FARS2: variants seen among roughly 807,000 people sequenced by gnomAD.
FARS2 encodes phenylalanyl-tRNA synthetase 2, mitochondrial.
A neutral mutation model predicts 46.4 loss-of-function variants in FARS2; 40 were observed. The observed-to-expected ratio is 0.86, with a 90% CI of 0.67 to 1.12. FARS2 has a LOEUF of 1.12. Among genes scored for constraint, FARS2 ranks in the 50% most tolerant of loss-of-function variants. The pLI is 0.00. For synonymous variants in FARS2, 234 were observed against 214.9 expected (o/e 1.09, Z -0.78); for missense variants, 513 against 567.9 (o/e 0.90, Z 0.98).
intron 2 of FARS2, among the ~76,000 whole-genome samples, chr6:5,391,471 G>C (rs1760510701): frequency 6.6e-6 from 1 of 152,148 alleles, no homozygotes; most frequent in South Asian, 2.1e-4. Context: ...TGTGTTATAG[G>C]ATCATGTTAT....
At chr6:5,573,954 G>T (rs1278799259) in intron 5 of FARS2, among the ~76,000 whole-genome samples, 1 of 152,172 alleles carries the variant, frequency 6.6e-6, no homozygotes. Context: ...GTGACCTAAT[G>T]TATTTGCTCA....
At chr6:5,276,961 G>A (rs898551983) in intron 1 of FARS2, among the ~76,000 whole-genome samples, 1 of 152,138 alleles carries the variant, frequency 6.6e-6, no homozygotes, top group Non-Finnish European at 1.5e-5. Flanking sequence ...TTCCTCCTCA[G>A]TGCAGGCTCA....
chr6:5,667,009 G>T (rs888722576), intron 6 of FARS2, among the ~76,000 whole-genome samples: 1 of 152,148 alleles, frequency 6.6e-6, no homozygotes, highest in East Asian at 1.9e-4. Flanking sequence ...ACAAGTGGGA[G>T]CTAAATGTTG....
At chr6:5,455,305 T>C (rs1231518751) in intron 4 of FARS2, among the ~76,000 whole-genome samples, 2 of 152,220 alleles carry the variant, frequency 1.3e-5, no homozygotes, top group Non-Finnish European at 2.9e-5. Context: ...TTTCAAAATA[T>C]ATACACTTTT....
intron 3 of FARS2, among the ~76,000 whole-genome samples, chr6:5,407,730 G>A (rs2032987): frequency 0.51 from 77,108 of 151,932 alleles, 19,987 homozygotes; most frequent in African/African-American, 0.62. Flanking sequence ...TTAAAATGGC[G>A]TAATATAATA....
intron 6 of FARS2, among the ~76,000 whole-genome samples, chr6:5,636,249 T>G (rs535169438): frequency 6.6e-6 from 1 of 152,240 alleles, no homozygotes; most frequent in African/African-American, 2.4e-5. Flanking sequence ...TGAAGTTCCC[T>G]CTATGTGATA....
chr6:5,497,021 A>T lies in FARS2; in HGVS notation c.905-48159A>T, dbSNP rs530641496. 2.0e-5 allele frequency among the ~76,000 whole-genome samples: 3 copies of T among 152,158 alleles called. No individual in the cohort carries two copies. In the South Asian group the frequency reaches 6.2e-4, roughly 32 times the overall value. ...TTTGAGGGGGCATGATTCAGCCCCA[A>T]ATGGGGTGAAGAAGCTCTAATCCTG... On this transcript the variant is annotated intron_variant, in intron 4 of 6. Coordinates refer to ENST00000274680, the MANE Select transcript of FARS2 (RefSeq NM_006567.5).
rs190156415 is a variant in FARS2 at position 5,295,363 on chromosome 6, T to C, written c.-22+33703T>C. On this transcript the variant is annotated intron_variant, in intron 1 of 6. Coordinates refer to ENST00000274680, the MANE Select transcript of FARS2 (RefSeq NM_006567.5). Reference sequence around the variant, plus strand: ...GTGTTAGAGTTAGAAATTATTTCAATTGTAGCTCATGGTGTTATTCTAATT... The same window carrying C: ...GTGTTAGAGTTAGAAATTATTTCAACTGTAGCTCATGGTGTTATTCTAATT... Among the ~76,000 whole-genome samples, 562 of 152,360 alleles carry C rather than the reference T, an allele frequency of 3.7e-3. 3 individuals carry two copies. The highest frequency in any genetic ancestry group is 6.3e-3 in the Non-Finnish European group (431 of 68,026).
At chr6:5,636,506 G>T (rs937373343) in intron 6 of FARS2, among the ~76,000 whole-genome samples, 25 of 152,218 alleles carry the variant, frequency 1.6e-4, no homozygotes, top group Non-Finnish European at 2.2e-4. Context: ...TTTACAATTG[G>T]CAATGATAGA....
At chr6:5,680,554 C>G (rs1157608371) in intron 6 of FARS2, among the ~76,000 whole-genome samples, 1 of 152,238 alleles carries the variant, frequency 6.6e-6, no homozygotes, top group Non-Finnish European at 1.5e-5. Flanking sequence ...GCCATCAGCA[C>G]CACATGAGGC....
intron 6 of FARS2, among the ~76,000 whole-genome samples, chr6:5,686,541 T>C (rs1757240166): frequency 6.6e-6 from 1 of 152,250 alleles, no homozygotes; most frequent in African/African-American, 2.4e-5. Context: ...CTCGTCCTTT[T>C]TTATGGCTGC....
At chr6:5,482,685 G>A (rs1355600494) in intron 4 of FARS2, among the ~76,000 whole-genome samples, 2 of 152,166 alleles carry the variant, frequency 1.3e-5, no homozygotes, top group Non-Finnish European at 2.9e-5. Context: ...GATGAGCACT[G>A]CAAGGTGCTG....
At chr6:5,350,221 T>G (rs1757492996) in intron 1 of FARS2, among the ~76,000 whole-genome samples, 1 of 149,852 alleles carries the variant, frequency 6.7e-6, no homozygotes, top group African/African-American at 2.5e-5. Flanking sequence ...TTGCCCAGGC[T>G]GATCTCAAAC....
At chr6:5,396,400 T>G (rs1387594452) in intron 2 of FARS2, among the ~76,000 whole-genome samples, 3 of 152,190 alleles carry the variant, frequency 2.0e-5, no homozygotes, top group African/African-American at 2.4e-5. Flanking sequence ...AAAAATCATT[T>G]GGCTACAAGG....
chr6:5,632,146 T>C (rs139718935), intron 6 of FARS2, among the ~76,000 whole-genome samples: 1 of 152,216 alleles, frequency 6.6e-6, no homozygotes, highest in Non-Finnish European at 1.5e-5. Flanking sequence ...AGAAACTGTA[T>C]CTGTTAAAAT....
intron 6 of FARS2, among the ~76,000 whole-genome samples, chr6:5,688,339 G>A (rs1029315441): frequency 2.6e-5 from 4 of 152,090 alleles, no homozygotes; most frequent in African/African-American, 9.7e-5. Flanking sequence ...CTGTGGGTTC[G>A]TCATACATAA....
chr6:5,750,387 A>G (rs1761879094), intron 6 of FARS2, among the ~76,000 whole-genome samples: 1 of 152,180 alleles, frequency 6.6e-6, no homozygotes, highest in South Asian at 2.1e-4. Flanking sequence ...ACCGGCCTTC[A>G]GTTGCTACTT....
At chr6:5,411,613 A>G (rs1363156270) in intron 3 of FARS2, among the ~76,000 whole-genome samples, 1 of 152,196 alleles carries the variant, frequency 6.6e-6, no homozygotes, top group Non-Finnish European at 1.5e-5. Flanking sequence ...TTTGTTCTTG[A>G]AAAGCAAAAT....
chr6:5,380,235 G>A (rs540290998), intron 2 of FARS2, among the ~76,000 whole-genome samples: 1 of 152,268 alleles, frequency 6.6e-6, no homozygotes, highest in African/African-American at 2.4e-5. Context: ...AAGAAAAACA[G>A]ATTAATATTC....
Sources: allele counts gnomAD v4.1 joint callset (sites outside exome capture counted in the v4.1 genomes callset), GRCh38; gene constraint gnomAD v4.1.1; transcripts MANE v1.5; gene names NCBI Gene and HGNC (gene_info 2026-07-23, HGNC 2026-07-21).